NPC1L1: variants seen among roughly 807,000 people sequenced by gnomAD.
NPC1L1 encodes NPC1 like intracellular cholesterol transporter 1, also known as NPC1-like intracellular cholesterol transporter 1.
Under a neutral mutation model 117.0 loss-of-function variants are expected in NPC1L1, and 98 were observed. The observed-to-expected ratio is 0.84, with a 90% CI of 0.71 to 0.99. NPC1L1 has a LOEUF of 0.99. Among genes scored for constraint, NPC1L1 ranks in the 50% least tolerant of loss-of-function variants. The pLI, the probability that NPC1L1 is intolerant of heterozygous loss-of-function variation, is 0.00. For synonymous variants in NPC1L1, 729 were observed against 727.6 expected (o/e 1.00, Z -0.03); for missense variants, 1,540 against 1,710.0 (o/e 0.90, Z 1.75).
chr7:44,523,585 G>A (rs1206227402), intron 10 of NPC1L1, among the ~76,000 whole-genome samples: 1 of 152,154 alleles, frequency 6.6e-6, no homozygotes, highest in African/African-American at 2.4e-5. Flanking sequence ...CCAAATATCA[G>A]CTGGGCATGA....
Position 44,536,802 on chromosome 7 carries a change from G to A in NPC1L1, c.1681+40C>T, listed in dbSNP as rs1368538088. The A allele has an allele frequency of 3.9e-6, 6 of 1,527,392 alleles. 1 individual carries two copies. In the South Asian group the frequency reaches 6.7e-5, roughly 17 times the overall value. The allele number at this position is 1,527,392 out of a possible 1,614,324, so 94.6% of individuals were successfully genotyped here. ...CGTCTATGGTTCCTGCCCCAATACT[G>A]CATCTTCCTTGGCTTCCTCTCAGGG... is the stretch of plus-strand genomic sequence containing the variant. On this transcript the variant is annotated intron_variant, in intron 3 of 18. Coordinates refer to ENST00000381160, the MANE Select transcript of NPC1L1 (RefSeq NM_001101648.2). This position sits in a 1 kb window ranked among gnomAD's most constrained non-coding sequence, Gnocchi z 4.7.
chr7:44,540,469 G>T, intron 1 of NPC1L1, 127 bp from the exon 2 acceptor site: 1 of 829,436 alleles, frequency 1.2e-6, no homozygotes, highest in Non-Finnish European at 2.0e-6. Flanking sequence ...GGGAGTGTGG[G>T]GAGTAGGAAG....
intron 10 of NPC1L1, among the ~76,000 whole-genome samples, chr7:44,526,342 A>T (rs1231113265): frequency 6.6e-6 from 1 of 151,948 alleles, no homozygotes; most frequent in East Asian, 1.9e-4. Context: ...TGAGGCCAGG[A>T]GTTTGAGACC....
At position 44,539,572 on chromosome 7, in the gene NPC1L1, G is replaced by A. The variant is rs570409961; in HGVS notation, c.825C>T (p.Thr275=). The A allele has an allele frequency of 1.6e-4, 260 of 1,614,152 alleles. 2 individuals carry two copies. The South Asian group carries it at 2.7e-3, about 17-fold the overall frequency. The stretch of plus-strand genomic sequence containing the variant: ...TGCCCGGCATCTGGCCCAGGTAGAA[G>A]GTGGAGTCGAGGGCCTGGGGGCGGG... ...AIARPQALDS[T]FYLGQMPGSL... The change falls in exon 2 of 19, where the codon ACC becomes ACT. Residue 275 remains threonine (T), a synonymous_variant. Transcript: ENST00000381160. This position sits in a 1 kb window ranked among gnomAD's most constrained non-coding sequence, Gnocchi z 4.4.
intron 14 of NPC1L1, 120 bp from the exon 15 acceptor site, chr7:44,517,477 G>A: frequency 1.6e-6 from 2 of 1,222,826 alleles, no homozygotes; most frequent in Non-Finnish European, 2.3e-6. Flanking sequence ...TCAGGGCTCT[G>A]CCACCACCAT....
intron 10 of NPC1L1, among the ~76,000 whole-genome samples, chr7:44,523,890 A>T (rs1306608775): frequency 6.6e-6 from 1 of 152,110 alleles, no homozygotes; most frequent in East Asian, 1.9e-4. Flanking sequence ...AATAAGTTCA[A>T]ATATCAAGGA....
chr7:44,517,436 G>T, intron 14 of NPC1L1, 79 bp from the exon 15 acceptor site: 2 of 1,537,154 alleles, frequency 1.3e-6, no homozygotes, highest in Non-Finnish European at 8.9e-7. Flanking sequence ...CACCGCAGAC[G>T]CAGTGGCACA....
Position 44,539,334 on chromosome 7 carries a change from T to C in NPC1L1, c.1063A>G (p.Ile355Val). The C allele has an allele frequency of 1.9e-6, 3 of 1,613,386 alleles. No homozygotes were observed. The highest frequency in any genetic ancestry group is 2.2e-5 in the East Asian group (1 of 44,854). ...GTWVASWPLT[I>V]LVLSVIPVVA... ...ACCGGGATGACAGATAGCACCAAGA[T>C]GGTCAGAGGCCACGAAGCCACCCAC... Residue 355 changes from isoleucine to valine, a missense_variant, in exon 2 of 19, where the codon ATC (isoleucine) becomes GTC (valine). By Grantham distance (29) the Ile-to-Val change is conservative. Coordinates refer to ENST00000381160, the MANE Select transcript of NPC1L1 (RefSeq NM_001101648.2). The surrounding 1 kb of genome is among the most constrained non-coding windows in gnomAD (Gnocchi z 4.4).
rs752025472 is a variant in NPC1L1 at position 44,539,502 on chromosome 7, T to G, written c.895A>C (p.Thr299Pro). ...IILCSVFAVV[T>P]ILLVGFRVAP... is the part of the protein sequence containing the mutation. The stretch of plus-strand genomic sequence containing the variant: ...ACACGGAATCCCACAAGCAGGATGG[T>G]GACCACAGCGAAGACAGAGCAGAGG... Residue 299 changes from threonine to proline, a missense_variant, in exon 2 of 19, where the codon ACC becomes CCC. Around this residue, in one of 3 missense-constraint regions of NPC1L1, gnomAD observed 793 missense variants for 820.4 expected, o/e 0.97. Transcript: ENST00000381160. The surrounding 1 kb of genome is among the most constrained non-coding windows in gnomAD (Gnocchi z 4.4). The G allele has an allele frequency of 1.2e-6, 2 of 1,613,506 alleles. No homozygotes were observed. Among genetic ancestry groups the G allele is most frequent in the South Asian group, 2.2e-5 (2 of 91,062 alleles).
chr7:44,513,254 A>G lies in NPC1L1; in HGVS notation c.*193T>C, dbSNP rs1801090269. 2 of 627,698 alleles carry G rather than the reference A, an allele frequency of 3.2e-6. No individual in the cohort carries two copies. The highest frequency in any genetic ancestry group is 5.7e-5 in the East Asian group (2 of 35,300). The allele number at this position is 627,698 out of a possible 1,614,324, so 38.9% of individuals were successfully genotyped here. ...GTGACTTGGAAACTGGGGACCCACTATGGGAGCAGAGGAGCCATCAGTGGT... is the reference window on the plus strand; with the variant it reads ...GTGACTTGGAAACTGGGGACCCACTGTGGGAGCAGAGGAGCCATCAGTGGT... On this transcript the variant is annotated 3_prime_UTR_variant, in exon 19 of 19. Coordinates refer to ENST00000381160, the MANE Select transcript of NPC1L1 (RefSeq NM_001101648.2).
chr7:44,524,874 T>C (rs914372425), intron 10 of NPC1L1, among the ~76,000 whole-genome samples: 5 of 151,392 alleles, frequency 3.3e-5, no homozygotes, highest in African/African-American at 9.7e-5. Context: ...GGAGGAAACA[T>C]AAAAAAGAGC....
chr7:44,532,118 C>A lies in NPC1L1; in HGVS notation c.2509G>T (p.Ala837Ser), dbSNP rs1286509488. 1.2e-6 allele frequency: 2 copies of A among 1,614,192 alleles called. No homozygotes were observed. Among genetic ancestry groups the A allele is most frequent in the Non-Finnish European group, 8.5e-7 (1 of 1,180,038 alleles). ...GTGATCCAGTGCAGCAGGAAGGGGG[C>A]ATAAGCCTTTTGGAAGAAGCCAAGC... ...LLLGFFQKAY[A>S]PFLLHWITRG... Residue 837 changes from alanine (A) to serine (S), a missense_variant, in exon 9 of 19, where the codon GCC becomes TCC. Ala to Ser is a moderately conservative substitution (Grantham distance 99). Around this residue, in one of 3 missense-constraint regions of NPC1L1, gnomAD observed 742 missense variants for 873.6 expected, o/e 0.85. Coordinates refer to ENST00000381160, the MANE Select transcript of NPC1L1 (RefSeq NM_001101648.2).
Position 44,536,458 on chromosome 7 carries a change from G to T in NPC1L1, c.1682-30C>A. ...GATAAGAAATACTCAGACCCTTCCT[G>T]CTGCACCCGTGCCTCCCTCCCCCTC... On this transcript the variant is annotated intron_variant, in intron 3 of 18. Transcript: ENST00000381160. The surrounding 1 kb of genome is among the most constrained non-coding windows in gnomAD (Gnocchi z 4.7). 1.2e-6 allele frequency: 2 copies of T among 1,604,266 alleles called. No homozygotes were observed. Among genetic ancestry groups the T allele is most frequent in the Non-Finnish European group, 1.7e-6 (2 of 1,179,498 alleles).
In NPC1L1 at chr7:44,532,125, CT is replaced by C; in HGVS notation, c.2501del (p.Lys834ArgfsTer26). On this transcript the variant is annotated frameshift_variant, in exon 9 of 19. Coordinates refer to ENST00000381160, the MANE Select transcript of NPC1L1 (RefSeq NM_001101648.2). LOFTEE classifies it high-confidence loss of function. ...GEGLLLGFFQ[K>X]AYAPFLLHWI... ...AGTGCAGCAGGAAGGGGGCATAAGCCTTTTGGAAGAAGCCAAGCAGGAGCCC... is the reference window on the plus strand; with the variant it reads ...AGTGCAGCAGGAAGGGGGCATAAGCCTTTGGAAGAAGCCAAGCAGGAGCCC... 1 of 1,614,142 alleles carries C rather than the reference CT, an allele frequency of 6.2e-7. No homozygotes were observed. The highest frequency in any genetic ancestry group is 1.1e-5 in the South Asian group (1 of 91,082).
chr7:44,539,451 T>A lies in NPC1L1; in HGVS notation c.946A>T (p.Met316Leu), dbSNP rs745693591. The change falls in exon 2 of 19, where the codon ATG (methionine) becomes TTG (leucine). Residue 316 changes from methionine (M) to leucine (L), a missense_variant. Met to Leu is a conservative substitution (Grantham distance 15, BLOSUM62 2). This residue lies in a region of NPC1L1 where 793 missense variants were observed against 820.4 expected (regional missense o/e 0.97). Transcript: ENST00000381160. The surrounding 1 kb of genome is among the most constrained non-coding windows in gnomAD (Gnocchi z 4.4). ...RVAPARDKSK[M>L]VDPKKGTSLS... Reference sequence around the variant, plus strand: ...CTGGTGCCCTTCTTGGGGTCCACCATCTTGCTTTTGTCCCTGGCGGGGGCC... The same window carrying A: ...CTGGTGCCCTTCTTGGGGTCCACCAACTTGCTTTTGTCCCTGGCGGGGGCC... 1 of 1,613,992 alleles carries A rather than the reference T, an allele frequency of 6.2e-7. No homozygotes were observed. Among genetic ancestry groups the A allele is most frequent in the South Asian group, 1.1e-5 (1 of 91,084 alleles).
intron 14 of NPC1L1, among the ~76,000 whole-genome samples, chr7:44,519,005 C>T (rs865786387): frequency 1.3e-5 from 2 of 151,144 alleles, no homozygotes; most frequent in Middle Eastern, 3.4e-3. Flanking sequence ...CTCTCTTTCT[C>T]TCTCTCTCTT....
rs1801967295 is a variant in NPC1L1 at position 44,538,465 on chromosome 7, A to G, written c.1580+352T>C. On this transcript the variant is annotated intron_variant, in intron 2 of 18. Coordinates refer to ENST00000381160, the MANE Select transcript of NPC1L1 (RefSeq NM_001101648.2). The surrounding 1 kb of genome is among the most constrained non-coding windows in gnomAD (Gnocchi z 5.9). ...AGAAACAAGAAGCAAAACATAGCAAATATAAATATGTACTCTGCCAATCGG... is the reference window on the plus strand; with the variant it reads ...AGAAACAAGAAGCAAAACATAGCAAGTATAAATATGTACTCTGCCAATCGG... Among the ~76,000 whole-genome samples the G allele has an allele frequency of 6.6e-6, 1 of 152,260 alleles. No homozygotes were observed. The highest frequency in any genetic ancestry group is 6.5e-5 in the Admixed American group (1 of 15,290).
At chr7:44,520,682 G>T in intron 14 of NPC1L1, 83 bp downstream of exon 14, 1 of 1,173,764 alleles carries the variant, frequency 8.5e-7, no homozygotes, top group Non-Finnish European at 1.3e-6. Flanking sequence ...GAGACAACAT[G>T]TGACAGGCTG....
intron 18 of NPC1L1, among the ~76,000 whole-genome samples, chr7:44,513,852 C>A (rs1198625621): frequency 6.6e-6 from 1 of 152,184 alleles, no homozygotes; most frequent in Non-Finnish European, 1.5e-5. Context: ...TGGGAACCTC[C>A]AAGGAATAGC....
Sources: allele counts gnomAD v4.1 joint callset (sites outside exome capture counted in the v4.1 genomes callset), GRCh38; gene constraint gnomAD v4.1.1; regional missense constraint gnomAD v4.1.1; non-coding constraint Gnocchi (gnomAD v3.1); transcripts MANE v1.5; gene names NCBI Gene and HGNC (gene_info 2026-07-23, HGNC 2026-07-21).